The following PTPRS variants were observed in gnomAD, a reference collection of about 807,000 sequenced individuals.
PTPRS encodes protein tyrosine phosphatase receptor type S.
A neutral mutation model predicts 215.3 loss-of-function variants in PTPRS; 63 were observed. The observed-to-expected ratio is 0.29, with a 90% confidence interval of 0.24 to 0.36. PTPRS has a LOEUF of 0.36. Ranked by LOEUF, PTPRS falls within the 10% of genes least tolerant of loss-of-function variation. The pLI, the probability that PTPRS is intolerant of heterozygous loss-of-function variation, is 1.00. For missense variants in PTPRS, 2,258 were observed against 2,825.8 expected (o/e 0.80, Z 4.56); for synonymous variants, 1,404 against 1,191.4 (o/e 1.18, Z -3.68).
At position 5,210,822 on chromosome 19, in the gene PTPRS, T is replaced by C. The variant is rs1052789629; in HGVS notation, c.5235-17A>G. 3.7e-6 allele frequency: 6 copies of C among 1,611,820 alleles called. No homozygotes were observed. The highest frequency in any genetic ancestry group is 5.1e-6 in the Non-Finnish European group (6 of 1,179,602). On this transcript the variant is annotated splice_polypyrimidine_tract_variant and intron_variant, in intron 33 of 37. Transcript: ENST00000262963. This position sits in a 1 kb window ranked among gnomAD's most constrained non-coding sequence, Gnocchi z 4.5. ...TTCTGCTGCCTGCAGGCGTTGGGGG[T>C]ATGAGCCCAGGGCCGGCAGGGAGAC...
At chr19:5,224,228 G>T (rs908985042) in intron 17 of PTPRS, among the ~76,000 whole-genome samples, 6 of 152,112 alleles carry the variant, frequency 3.9e-5, no homozygotes, top group Non-Finnish European at 7.4e-5. Flanking sequence ...GCAAAGACTT[G>T]AAAGAAGAAA....
intron 2 of PTPRS, among the ~76,000 whole-genome samples, chr19:5,283,902 C>T (rs1329940098): frequency 1.3e-5 from 2 of 151,884 alleles, no homozygotes; most frequent in Non-Finnish European, 2.9e-5. Context: ...GTAAAAACTC[C>T]ATCTCTGTAA....
intron 35 of PTPRS, among the ~76,000 whole-genome samples, chr19:5,208,694 C>CTTACCGTCCTT (rs1324785258): frequency 6.6e-6 from 1 of 152,134 alleles, no homozygotes; most frequent in Admixed American, 6.5e-5. Flanking sequence ...ACCCTGACAA[C>CTTACCGTCCTT]TTACCGTCCT....
Position 5,302,629 on chromosome 19 carries a change from C to T in PTPRS, c.-94-16395G>A, listed in dbSNP as rs73547774. 2.3e-3 allele frequency among the ~76,000 whole-genome samples: 346 copies of T among 152,246 alleles called. 2 individuals are homozygous for T. Among genetic ancestry groups the T allele is most frequent in the African/African-American group, 8.1e-3 (336 of 41,550 alleles). On this transcript the variant is annotated intron_variant, in intron 1 of 37. Transcript: ENST00000262963. ...GTGTCTGAGATCACCCTGAATCTCC[C>T]TGGGCTTTCTTCCCTGACGTGTTAG...
chr19:5,229,106 G>A (rs1333070594), intron 16 of PTPRS, among the ~76,000 whole-genome samples: 1 of 152,240 alleles, frequency 6.6e-6, no homozygotes, highest in Non-Finnish European at 1.5e-5. Context: ...CTGCCCCCTG[G>A]GGCGCACAGT....
At chr19:5,290,080 A>C (rs977330764) in intron 1 of PTPRS, among the ~76,000 whole-genome samples, 3 of 152,240 alleles carry the variant, frequency 2.0e-5, no homozygotes, top group African/African-American at 7.2e-5. Context: ...AGCGAGGCTG[A>C]GCCAGGGCTA....
At position 5,237,731 on chromosome 19, in the gene PTPRS, C is replaced by T. The variant is rs2043595096; in HGVS notation, c.1849+1188G>A. On this transcript the variant is annotated intron_variant, in intron 13 of 37. Transcript: ENST00000262963. This position sits in a 1 kb window ranked among gnomAD's most constrained non-coding sequence, Gnocchi z 4.2. ...CTCAGCCAGTCTCTCAGGTGGCTGC[C>T]CAAGCCACAGGCCACCCTCACTGAC... Among the ~76,000 whole-genome samples the T allele has an allele frequency of 6.6e-6, 1 of 152,164 alleles. No homozygotes were observed.
chr19:5,250,734 C>T (rs891271809), intron 9 of PTPRS, among the ~76,000 whole-genome samples: 2 of 150,812 alleles, frequency 1.3e-5, no homozygotes, highest in African/African-American at 4.9e-5. Context: ...ACTCAAAAAC[C>T]GTCAAAGCAA....
chr19:5,236,744 G>A (rs2043471477), intron 13 of PTPRS, among the ~76,000 whole-genome samples: 1 of 151,482 alleles, frequency 6.6e-6, no homozygotes, highest in South Asian at 2.1e-4. Flanking sequence ...AACATTAGAG[G>A]CCCCTCCTCC....
intron 1 of PTPRS, among the ~76,000 whole-genome samples, chr19:5,332,583 G>A (rs1482134404): frequency 2.0e-5 from 3 of 152,166 alleles, no homozygotes; most frequent in East Asian, 3.9e-4. Context: ...CCTGACAGGC[G>A]TTATGGCTTG....
chr19:5,265,902 T>C (rs1199173496), intron 4 of PTPRS, among the ~76,000 whole-genome samples: 1 of 152,154 alleles, frequency 6.6e-6, no homozygotes, highest in Non-Finnish European at 1.5e-5. Context: ...AGTGGGTTCA[T>C]TTACAGCAGC....
rs1468906967 is a variant in PTPRS, at chr19:5,206,217, T to C, written c.*557A>G. ...AGCCAAAGTTAGTTCTCTTTGAAAGTCATTGACTGGCGAGTCTTTTGTTTG... is the reference window on the plus strand; with the variant it reads ...AGCCAAAGTTAGTTCTCTTTGAAAGCCATTGACTGGCGAGTCTTTTGTTTG... On this transcript the variant is annotated 3_prime_UTR_variant, in exon 38 of 38. Transcript: ENST00000262963. Among the ~76,000 whole-genome samples the C allele has an allele frequency of 6.9e-6, 1 of 145,562 alleles. No homozygotes were observed. The highest frequency in any genetic ancestry group is 1.5e-5 in the Non-Finnish European group (1 of 66,610).
intron 35 of PTPRS, among the ~76,000 whole-genome samples, chr19:5,208,601 G>A (rs955265589): frequency 2.0e-5 from 3 of 151,988 alleles, no homozygotes; most frequent in African/African-American, 7.3e-5. Flanking sequence ...TCCTGCCTCA[G>A]CCTCCCGATT....
chr19:5,257,414 G>T lies in PTPRS; in HGVS notation c.706+603C>A. 1 of 457,574 alleles carries T rather than the reference G, an allele frequency of 2.2e-6. No homozygotes were observed. Among genetic ancestry groups the T allele is most frequent in the Non-Finnish European group, 4.4e-6 (1 of 227,434 alleles). 28.3% of individuals were successfully genotyped at this position (457,574 alleles called of 1,614,324 possible). On this transcript the variant is annotated intron_variant, in intron 8 of 37. Transcript: ENST00000262963. The surrounding 1 kb of genome is among the most constrained non-coding windows in gnomAD (Gnocchi z 4.4). ...CCGCTGTGGCTCCAGCCTCCCATCG[G>T]CCTGGACTGCCCTTCTCGGAGAGTC... is the stretch of plus-strand genomic sequence containing the variant.
chr19:5,268,828 A>G (rs1015304826), intron 4 of PTPRS, among the ~76,000 whole-genome samples: 2 of 152,204 alleles, frequency 1.3e-5, no homozygotes, highest in African/African-American at 4.8e-5. Flanking sequence ...GGCCTGGCTG[A>G]GCTCAGAAGA....
At chr19:5,234,888 C>G (rs1443103582) in intron 13 of PTPRS, among the ~76,000 whole-genome samples, 3 of 151,972 alleles carry the variant, frequency 2.0e-5, no homozygotes, top group African/African-American at 7.2e-5. Flanking sequence ...TACTATGTGT[C>G]AGGCAACTCT....
chr19:5,325,702 C>T (rs2050150168), intron 1 of PTPRS, among the ~76,000 whole-genome samples: 2 of 152,254 alleles, frequency 1.3e-5, no homozygotes, highest in Admixed American at 1.3e-4. Context: ...CACCCCCATT[C>T]AGCCTCCTTC....
At chr19:5,263,709 C>A (rs950547130) in intron 5 of PTPRS, among the ~76,000 whole-genome samples, 3 of 152,248 alleles carry the variant, frequency 2.0e-5, no homozygotes, top group African/African-American at 7.2e-5. Flanking sequence ...CCACGTGTGT[C>A]CCCACGCACG....
chr19:5,216,668 A>C, intron 26 of PTPRS, 52 bp downstream of exon 26: 1 of 1,408,224 alleles, frequency 7.1e-7, no homozygotes, highest in Non-Finnish European at 9.8e-7. Context: ...CCAAAGAGGA[A>C]ATGAACGGGG....
Sources: gnomAD v4.1 joint callset for allele counts (sites outside exome capture counted in the v4.1 genomes callset) on GRCh38, gnomAD v4.1.1 for gene constraint, Gnocchi (gnomAD v3.1) non-coding constraint, MANE v1.5 for transcripts, NCBI Gene and HGNC (gene_info 2026-07-23, HGNC 2026-07-21) for gene names.